Variants in RGPD1 observed in about 807,000 individuals in gnomAD.
RGPD1 encodes RANBP2 like and GRIP domain containing 1.
In RGPD1, 7 loss-of-function variants were observed where a neutral mutation model predicts 40.6. The ratio of observed to expected loss-of-function variants is 0.17; its 90% confidence interval spans 0.10 to 0.32. The LOEUF (loss-of-function observed/expected upper bound fraction) is 0.32. Among genes scored for constraint, RGPD1 ranks in the 10% least tolerant of loss-of-function variants. RGPD1 has a pLI of 1.00. For missense variants in RGPD1, 50 were observed against 472.5 expected, an observed-to-expected ratio of 0.11 and a Z score of 8.29; for synonymous variants, 24 against 167.0, an observed-to-expected ratio of 0.14 and a Z score of 6.60.
chr2:86,930,666 C>A (rs1291289601), intron 1 of RGPD1: 18 of 1,610,898 alleles, frequency 1.1e-5, no homozygotes, highest in Admixed American at 8.3e-5. Flanking sequence ...GTTGTTCACT[C>A]CTGGGCACAG....
chr2:86,932,003 A>G (rs1338147790), intron 1 of RGPD1, among the ~76,000 whole-genome samples: 1 of 148,624 alleles, frequency 6.7e-6, no homozygotes, highest in East Asian at 1.9e-4. Flanking sequence ...ATATATGTCT[A>G]TAACATATAG....
upstream of RGPD1, among the ~76,000 whole-genome samples, chr2:86,941,711 A>C (rs1215595615): frequency 2.1e-5 from 3 of 143,338 alleles, no homozygotes; most frequent in African/African-American, 8.8e-5. Context: ...GGGATTTGAG[A>C]ATGCGCTTTG....
chr2:86,915,214 T>G (rs1359755577), intron 1 of RGPD1, among the ~76,000 whole-genome samples: 1 of 150,646 alleles, frequency 6.6e-6, no homozygotes, highest in Non-Finnish European at 1.5e-5. Flanking sequence ...GAGAATTGCT[T>G]GAACCCAGAA....
intron 22 of RGPD1, among the ~76,000 whole-genome samples, chr2:87,007,193 G>GTTT (rs1194234015): frequency 1.3e-5 from 1 of 78,784 alleles, no homozygotes; most frequent in African/African-American, 4.6e-5. Flanking sequence ...ATTTGTTTTT[G>GTTT]TTGTTGTTGT....
upstream of RGPD1, among the ~76,000 whole-genome samples, chr2:86,941,295 C>T (rs1249024941): frequency 4.0e-5 from 6 of 148,158 alleles, no homozygotes; most frequent in East Asian, 2.0e-4. Flanking sequence ...AAAATACAGA[C>T]GGCTGAAAAT....
In RGPD1 at chr2:86,913,858, C is replaced by T. The variant is rs781466650; in HGVS notation, c.9C>T (p.Arg3=). The T allele has an allele frequency of 3.2e-6, 5 of 1,579,956 alleles. 1 individual carries two copies. The African/African-American group carries it at 4.1e-5, about 13-fold the overall frequency. Reference sequence around the variant, plus strand: ...GCCAGGTTGGCGGTGCGATGAGGCGCAGCAAGGCCTACGGGGAGCGGTACC... The same window carrying T: ...GCCAGGTTGGCGGTGCGATGAGGCGTAGCAAGGCCTACGGGGAGCGGTACC... Residue 3 remains arginine (R), a synonymous_variant, in exon 1 of 23, where the codon CGC becomes CGT. Transcript: ENST00000398193.
chr2:86,942,977 T>A (rs1304489498), intron 1 of RGPD1, among the ~76,000 whole-genome samples: 2 of 151,920 alleles, frequency 1.3e-5, no homozygotes, highest in Non-Finnish European at 1.5e-5. Context: ...GGCCTAGTTC[T>A]CGGGGGCTTG....
chr2:86,918,114 G>A (rs968719137), intron 1 of RGPD1, among the ~76,000 whole-genome samples: 29 of 150,570 alleles, frequency 1.9e-4, no homozygotes, highest in Non-Finnish European at 4.1e-4. Flanking sequence ...TATTGCTTAG[G>A]ATGTGAAGAG....
intron 1 of RGPD1, among the ~76,000 whole-genome samples, chr2:86,931,987 TTA>T (rs1164463775): frequency 3.8e-4 from 56 of 147,896 alleles, no homozygotes; most frequent in South Asian, 1.7e-3. Flanking sequence ...AATATTCATA[TTA>T]TATATATATG....
upstream of RGPD1, chr2:86,913,686 C>G (rs1031322964): frequency 3.0e-6 from 4 of 1,318,576 alleles, no homozygotes; most frequent in Admixed American, 2.5e-5. Flanking sequence ...GCTGGAGCGC[C>G]GACGTCGCCA....
chr2:86,942,795 C>T (rs1245220957), intron 1 of RGPD1, among the ~76,000 whole-genome samples: 2 of 151,754 alleles, frequency 1.3e-5, no homozygotes, highest in East Asian at 1.9e-4. Context: ...GGCCGGCTGG[C>T]GCAGTCCTGT....
chr2:86,957,090 GC>G (rs1680780706), intron 4 of RGPD1, among the ~76,000 whole-genome samples: 1 of 145,952 alleles, frequency 6.9e-6, no homozygotes, highest in Admixed American at 7.1e-5. Flanking sequence ...AATTAGCCGG[GC>G]ATGGTGGTGC....
At position 86,930,151 on chromosome 2, in the gene RGPD1, G is replaced by A. The variant is rs1012862484; in HGVS notation, c.72+16230G>A. Reference sequence around the variant, plus strand: ...ATAGCGGCAGGAGGGGGGTGTGGGGGCAGGGGTCACCCCTGCCCCAGACTC... The same window carrying A: ...ATAGCGGCAGGAGGGGGGTGTGGGGACAGGGGTCACCCCTGCCCCAGACTC... On this transcript the variant is annotated intron_variant, in intron 1 of 22. Coordinates refer to the RGPD1 transcript ENST00000398193. The A allele has an allele frequency of 1.3e-5, 19 of 1,463,096 alleles. 1 individual carries two copies. The African/African-American group carries it at 1.5e-4, about 12-fold the overall frequency. The allele number at this position is 1,463,096 out of a possible 1,614,324, so 90.6% of individuals were successfully genotyped here.
At chr2:86,931,894 TAGAC>T (rs1200009578) in intron 1 of RGPD1, among the ~76,000 whole-genome samples, 2 of 148,494 alleles carry the variant, frequency 1.3e-5, no homozygotes, top group African/African-American at 4.9e-5. Flanking sequence ...ATTTGGTAGT[TAGAC>T]ATATAGACAG....
rs1678851434 is a variant in RGPD1, at chr2:86,930,437, ACCAGCC to A, written c.72+16520_72+16525del. 4.8e-6 allele frequency: 7 copies of A among 1,461,602 alleles called. 1 individual carries two copies. The East Asian group carries it at 1.7e-4, about 35-fold the overall frequency. 90.5% of individuals were successfully genotyped at this position (1,461,602 alleles called of 1,614,324 possible). On this transcript the variant is annotated intron_variant, in intron 1 of 22. Coordinates refer to the RGPD1 transcript ENST00000398193. The stretch of plus-strand genomic sequence containing the variant: ...CAAGCAGTGAACCGGTAGGGAAAGG[ACCAGCC>A]CCATGGCATGCCCCATGATAAGCCA...
At chr2:86,931,293 T>C (rs1285095969) in intron 1 of RGPD1, among the ~76,000 whole-genome samples, 1 of 151,834 alleles carries the variant, frequency 6.6e-6, no homozygotes, top group African/African-American at 2.4e-5. Flanking sequence ...ATATTTCTGG[T>C]AGATATATTT....
At chr2:86,931,587 G>T (rs1178195535) in intron 1 of RGPD1, among the ~76,000 whole-genome samples, 1 of 151,852 alleles carries the variant, frequency 6.6e-6, no homozygotes, top group African/African-American at 2.4e-5. Context: ...TATTATAAAT[G>T]ATTTTATATT....
At chr2:86,924,472 A>C (rs539096823) in intron 1 of RGPD1, among the ~76,000 whole-genome samples, 1 of 148,852 alleles carries the variant, frequency 6.7e-6, no homozygotes, top group South Asian at 2.1e-4. Context: ...ATACATTTTC[A>C]TTTCTTTTTT....
chr2:86,930,228 T>G lies in RGPD1; in HGVS notation c.72+16307T>G, dbSNP rs564297257. 950 of 1,449,410 alleles carry G rather than the reference T, an allele frequency of 6.6e-4. 38 individuals carry two copies. The South Asian group carries it at 0.011, about 16-fold the overall frequency. 89.8% of individuals were successfully genotyped at this position (1,449,410 alleles called of 1,614,324 possible). A position where few individuals can be genotyped will look rare whatever the true frequency, so the allele number is the denominator to read the frequency against. On this transcript the variant is annotated intron_variant, in intron 1 of 22. Transcript: ENST00000398193. ...GGTGGGAGGAAACACCTTCCACATT[T>G]GTTCCTTCAAAATGGGCAGGGCAGC...
Sources: gnomAD v4.1 joint callset for allele counts (sites outside exome capture counted in the v4.1 genomes callset) on GRCh38, gnomAD v4.1.1 for gene constraint, MANE v1.5 for transcripts, NCBI Gene and HGNC (gene_info 2026-07-23, HGNC 2026-07-21) for gene names.